WDR35: variants seen among roughly 807,000 people sequenced by gnomAD.
WDR35 encodes WD repeat domain 35.
A neutral mutation model predicts 158.3 loss-of-function variants in WDR35; 118 were observed. That is an observed-to-expected ratio of 0.75 (90% confidence interval 0.64 to 0.87). The LOEUF is 0.87. Ranked by LOEUF, WDR35 falls within the 40% of genes least tolerant of loss-of-function variation. The pLI, the probability that WDR35 is intolerant of heterozygous loss-of-function variation, is 0.00. For synonymous variants in WDR35, 448 were observed against 476.1 expected, an observed-to-expected ratio of 0.94 and a Z score of 0.77; for missense variants, 1,263 against 1,405.8, an observed-to-expected ratio of 0.90 and a Z score of 1.62.
chr2:19,968,569 T>C (rs528209518), intron 9 of WDR35, among the ~76,000 whole-genome samples: 5 of 152,236 alleles, frequency 3.3e-5, no homozygotes, highest in Non-Finnish European at 7.3e-5. Context: ...TGGGAGGCTC[T>C]TTCAGCAATG....
At chr2:19,937,686 A>C in intron 19 of WDR35, 57 bp downstream of exon 19, 2 of 1,609,264 alleles carry the variant, frequency 1.2e-6, no homozygotes, top group Non-Finnish European at 1.7e-6. Flanking sequence ...CCATTTGTAA[A>C]AAATACAATG....
chr2:19,988,192 C>T (rs909515556), intron 2 of WDR35, among the ~76,000 whole-genome samples: 7 of 152,192 alleles, frequency 4.6e-5, no homozygotes, highest in Non-Finnish European at 1.0e-4. Flanking sequence ...ACCTAGAATA[C>T]CTACTGCCCA....
intron 4 of WDR35, 47 bp downstream of exon 4, chr2:19,980,644 G>A: frequency 6.6e-7 from 1 of 1,522,024 alleles, no homozygotes. Flanking sequence ...CTGTGATCCA[G>A]ATGCCAACTT....
rs1671061281 is a variant in WDR35, at chr2:19,946,568, A to G, written c.1527T>C (p.Gly509=). ...ITASDKILIV[G]RESGTIQRYS... ...ATCTCTGAATGGTGCCAGATTCACG[A>G]CCCTATGGAAATTACTTTTGATTAC... The change falls in exon 15 of 27, where the codon GGT becomes GGC. Residue 509 remains glycine (G), a splice_region_variant and synonymous_variant. Transcript: ENST00000281405. 3 of 1,613,094 alleles carry G rather than the reference A, an allele frequency of 1.9e-6. No homozygotes were observed. Among genetic ancestry groups the G allele is most frequent in the Non-Finnish European group, 2.5e-6 (3 of 1,179,374 alleles).
At chr2:19,975,790 G>T in intron 5 of WDR35, 127 bp from the exon 6 acceptor site, 1 of 1,276,390 alleles carries the variant, frequency 7.8e-7, no homozygotes, top group Non-Finnish European at 1.1e-6. Flanking sequence ...AATTTATTTG[G>T]CCAATAAATA....
chr2:19,920,092 C>A (rs574444933), intron 25 of WDR35, among the ~76,000 whole-genome samples: 1 of 152,262 alleles, frequency 6.6e-6, no homozygotes, highest in Non-Finnish European at 1.5e-5. Flanking sequence ...CAATTCATAG[C>A]CCACCAACCA....
chr2:19,924,687 T>C (rs902170366), intron 25 of WDR35, among the ~76,000 whole-genome samples: 2 of 152,192 alleles, frequency 1.3e-5, no homozygotes, highest in African/African-American at 4.8e-5. Flanking sequence ...GCACATTTAG[T>C]TGATTTTATC....
intron 25 of WDR35, among the ~76,000 whole-genome samples, chr2:19,928,065 T>G (rs1670411814): frequency 6.6e-6 from 1 of 152,138 alleles, no homozygotes; most frequent in Admixed American, 6.5e-5. Flanking sequence ...AAACAAAATC[T>G]CAGCAGCACT....
intron 2 of WDR35, among the ~76,000 whole-genome samples, chr2:19,983,552 A>C (rs915450248): frequency 1.3e-5 from 2 of 152,234 alleles, no homozygotes; most frequent in Admixed American, 6.5e-5. Flanking sequence ...GTTACACATA[A>C]AACATAGCAT....
chr2:19,982,920 T>A (rs1672431264), intron 2 of WDR35, among the ~76,000 whole-genome samples: 1 of 152,224 alleles, frequency 6.6e-6, no homozygotes, highest in South Asian at 2.1e-4. Flanking sequence ...AATCTTATAT[T>A]CACTCATTTA....
chr2:19,941,800 C>A lies in WDR35; in HGVS notation c.1885G>T (p.Asp629Tyr). ...AAAAGAACAGATTTAATTTCTAAAT[C>A]CTCAAAATTACAAATATATCCAGAG... is the stretch of plus-strand genomic sequence containing the variant. Reference protein sequence around the residue: ...QTSGYICNFEDLEIKSVLLDE... With the variant: ...QTSGYICNFEYLEIKSVLLDE... The change falls in exon 17 of 27, where the codon GAT becomes TAT. Residue 629 changes from aspartate (D) to tyrosine (Y), a missense_variant. Physicochemically the swap from Asp to Tyr is radical, Grantham distance 160. Coordinates refer to ENST00000281405, the MANE Select transcript of WDR35 (RefSeq NM_020779.4). 1 of 1,575,148 alleles carries A rather than the reference C, an allele frequency of 6.3e-7. No individual in the cohort carries two copies. The highest frequency in any genetic ancestry group is 8.7e-7 in the Non-Finnish European group (1 of 1,153,018).
intron 12 of WDR35, 29 bp downstream of exon 12, chr2:19,953,805 T>C (rs760537954): frequency 6.2e-7 from 1 of 1,613,788 alleles, no homozygotes. Context: ...ATGGTTGAGC[T>C]ACTAAAAAGT....
chr2:19,980,637 T>G, intron 4 of WDR35, 54 bp downstream of exon 4: 1 of 1,463,364 alleles, frequency 6.8e-7, no homozygotes, highest in Non-Finnish European at 9.6e-7. Context: ...CCAAATACTG[T>G]GATCCAGATG....
At position 19,912,362 on chromosome 2, in the gene WDR35, C is replaced by T. The variant is rs1380940147; in HGVS notation, c.*1196G>A. The T allele has an allele frequency of 6.6e-6, 1 of 152,180 alleles. No homozygotes were observed. Among genetic ancestry groups the T allele is most frequent in the Non-Finnish European group, 1.5e-5 (1 of 68,028 alleles). The allele number at this position is 152,180 out of a possible 1,614,324, so 9.4% of individuals were successfully genotyped here. On this transcript the variant is annotated 3_prime_UTR_variant, in exon 27 of 27. Coordinates refer to ENST00000281405, the MANE Select transcript of WDR35 (RefSeq NM_020779.4). ...GGCGCATGAATAGAGACAGAGACCT[C>T]AAAGACTTCTGGTCTTCTCTTTTTA... is the stretch of plus-strand genomic sequence containing the variant.
At chr2:19,968,435 CATTT>C (rs1671928372) in intron 9 of WDR35, among the ~76,000 whole-genome samples, 1 of 152,192 alleles carries the variant, frequency 6.6e-6, no homozygotes, top group African/African-American at 2.4e-5. Flanking sequence ...TCTCCTCTCC[CATTT>C]ATTTATTTAT....
intron 25 of WDR35, among the ~76,000 whole-genome samples, chr2:19,922,373 G>C (rs1475549010): frequency 6.6e-6 from 1 of 152,110 alleles, no homozygotes; most frequent in Non-Finnish European, 1.5e-5. Context: ...TATACACCAG[G>C]GAATACTATG....
At chr2:19,989,931 C>A in intron 1 of WDR35, 61 bp downstream of exon 1, 3 of 1,607,282 alleles carry the variant, frequency 1.9e-6, no homozygotes, top group South Asian at 1.1e-5. Context: ...GGGAAGGCAG[C>A]GGGAATCGCC....
At chr2:19,988,616 T>C (rs1411602870) in intron 2 of WDR35, among the ~76,000 whole-genome samples, 1 of 152,184 alleles carries the variant, frequency 6.6e-6, no homozygotes. Flanking sequence ...CCAATTACCT[T>C]ATCTAGGTCT....
chr2:19,953,775 A>G (rs1671325476), intron 12 of WDR35, 59 bp downstream of exon 12: 1 of 1,606,112 alleles, frequency 6.2e-7, no homozygotes, highest in Non-Finnish European at 8.5e-7. Context: ...TACAATTACT[A>G]TGTCTGACTT....
Sources: allele counts gnomAD v4.1 joint callset (sites outside exome capture counted in the v4.1 genomes callset), GRCh38; gene constraint gnomAD v4.1.1; transcripts MANE v1.5; gene names NCBI Gene and HGNC (gene_info 2026-07-23, HGNC 2026-07-21).